KHDRBS3: variants seen among roughly 807,000 people sequenced by gnomAD.
KHDRBS3 encodes the protein KH RNA binding domain containing, signal transduction associated 3.
Under a neutral mutation model 45.6 loss-of-function variants are expected in KHDRBS3, and 23 were observed. That is an observed-to-expected ratio of 0.50 (90% CI 0.36 to 0.72). The LOEUF (loss-of-function observed/expected upper bound fraction) is 0.72. Among genes scored for constraint, KHDRBS3 ranks in the 30% least tolerant of loss-of-function variants. The probability of loss-of-function intolerance (pLI) is 0.00; values close to 1 mark genes in which losing one functional copy is unlikely to be tolerated. For synonymous variants in KHDRBS3, 162 were observed against 156.5 expected (o/e 1.04, Z -0.26); for missense variants, 352 against 424.8 (o/e 0.83, Z 1.51).
intron 5 of KHDRBS3, among the ~76,000 whole-genome samples, chr8:135,569,319 A>G (rs1469944329): frequency 6.6e-6 from 1 of 152,208 alleles, no homozygotes; most frequent in Non-Finnish European, 1.5e-5. Flanking sequence ...TGAGATAGAG[A>G]AATGCACATT....
chr8:135,567,660 A>G (rs1465938332), intron 5 of KHDRBS3, among the ~76,000 whole-genome samples: 1 of 152,194 alleles, frequency 6.6e-6, no homozygotes, highest in Non-Finnish European at 1.5e-5. Flanking sequence ...CTGAAATAGT[A>G]AGTGGAGATC....
At chr8:135,578,085 G>T (rs1027653572) in intron 5 of KHDRBS3, among the ~76,000 whole-genome samples, 1 of 152,044 alleles carries the variant, frequency 6.6e-6, no homozygotes, top group Non-Finnish European at 1.5e-5. Context: ...TGGGTCATTT[G>T]CTTTCTTATT....
chr8:135,529,236 C>T (rs1825345013), intron 2 of KHDRBS3, among the ~76,000 whole-genome samples: 1 of 152,116 alleles, frequency 6.6e-6, no homozygotes. Flanking sequence ...AAGAAGAGAA[C>T]CGGTAAGCGG....
intron 1 of KHDRBS3, among the ~76,000 whole-genome samples, chr8:135,489,796 TTAA>T (rs1438805914): frequency 6.6e-6 from 1 of 152,196 alleles, no homozygotes; most frequent in South Asian, 2.1e-4. Context: ...AAAATATTTC[TTAA>T]TAATTCAGTG....
At chr8:135,474,599 T>C (rs1245140701) in intron 1 of KHDRBS3, among the ~76,000 whole-genome samples, 2 of 152,252 alleles carry the variant, frequency 1.3e-5, no homozygotes, top group Non-Finnish European at 2.9e-5. Flanking sequence ...GTTAAGAAGA[T>C]CACTCAATTT....
chr8:135,519,658 C>T (rs1392421310), intron 1 of KHDRBS3, among the ~76,000 whole-genome samples: 2 of 152,230 alleles, frequency 1.3e-5, no homozygotes, highest in Admixed American at 1.3e-4. Context: ...TGCATCCTAA[C>T]TGATATACTG....
chr8:135,530,135 T>C (rs577226666), intron 2 of KHDRBS3, among the ~76,000 whole-genome samples: 1 of 152,314 alleles, frequency 6.6e-6, no homozygotes, highest in African/African-American at 2.4e-5. Context: ...CTGCTTACTT[T>C]GAGGGTACAT....
At chr8:135,584,468 C>T (rs990422301) in intron 6 of KHDRBS3, among the ~76,000 whole-genome samples, 1 of 152,186 alleles carries the variant, frequency 6.6e-6, no homozygotes, top group Non-Finnish European at 1.5e-5. Context: ...AGATTACAAA[C>T]GTTATAGCTT....
intron 1 of KHDRBS3, among the ~76,000 whole-genome samples, chr8:135,470,551 TC>T (rs754150321): frequency 1.2e-4 from 18 of 151,408 alleles, no homozygotes; most frequent in Non-Finnish European, 2.5e-4. Context: ...CATCCCTTTT[TC>T]CCCCTTGGTC....
At chr8:135,583,490 C>G (rs1165315771) in intron 6 of KHDRBS3, among the ~76,000 whole-genome samples, 1 of 152,000 alleles carries the variant, frequency 6.6e-6, no homozygotes, top group African/African-American at 2.4e-5. Flanking sequence ...TTAGGTAGGC[C>G]CAGTGTCTGT....
At position 135,458,075 on chromosome 8, in the gene KHDRBS3, G is replaced by C; in HGVS notation, c.88+121G>C. ...CGGACGCGGCGGAGACGGAGGCCCG[G>C]GTGGCCCCCGGGGTCGTTTGCACGG... On this transcript the variant is annotated intron_variant, in intron 1 of 8. Coordinates refer to ENST00000355849, the MANE Select transcript of KHDRBS3 (RefSeq NM_006558.3). 2.2e-6 allele frequency: 3 copies of C among 1,393,366 alleles called. No individual in the cohort carries two copies. The South Asian group carries it at 4.7e-5, about 22-fold the overall frequency. The allele number at this position is 1,393,366 out of a possible 1,614,324, so 86.3% of individuals were successfully genotyped here.
chr8:135,495,201 C>A (rs1823372734), intron 1 of KHDRBS3, among the ~76,000 whole-genome samples: 1 of 152,204 alleles, frequency 6.6e-6, no homozygotes, highest in Non-Finnish European at 1.5e-5. Context: ...GCTGCCACTT[C>A]TGTGTTCTGC....
chr8:135,585,331 AAC>A (rs1385741755), intron 6 of KHDRBS3, among the ~76,000 whole-genome samples: 1 of 152,086 alleles, frequency 6.6e-6, no homozygotes, highest in Non-Finnish European at 1.5e-5. Flanking sequence ...AGGAGCTTGT[AAC>A]ACAAATAAAT....
chr8:135,565,140 T>C (rs1358117998), intron 5 of KHDRBS3, among the ~76,000 whole-genome samples: 2 of 152,152 alleles, frequency 1.3e-5, no homozygotes, highest in Non-Finnish European at 2.9e-5. Context: ...GGACTCATTG[T>C]TCGTGATTCC....
intron 1 of KHDRBS3, among the ~76,000 whole-genome samples, chr8:135,496,647 CT>C (rs1823464760): frequency 6.6e-6 from 1 of 152,004 alleles, no homozygotes; most frequent in African/African-American, 2.4e-5. Context: ...TTGGCAGTTT[CT>C]TAACTTAAAT....
At chr8:135,631,601 G>A (rs1191809606) in intron 7 of KHDRBS3, among the ~76,000 whole-genome samples, 2 of 152,082 alleles carry the variant, frequency 1.3e-5, no homozygotes, top group Non-Finnish European at 2.9e-5. Flanking sequence ...GCATGAAGCT[G>A]TCATCTCCTA....
chr8:135,593,701 C>T (rs865843646), intron 6 of KHDRBS3, among the ~76,000 whole-genome samples: 4 of 152,268 alleles, frequency 2.6e-5, no homozygotes, highest in South Asian at 2.1e-4. Context: ...TGGTCTCAGA[C>T]TCCTGGCCTC....
chr8:135,610,503 C>T (rs1313356903), intron 7 of KHDRBS3, among the ~76,000 whole-genome samples: 1 of 150,674 alleles, frequency 6.6e-6, no homozygotes, highest in Non-Finnish European at 1.5e-5. Flanking sequence ...ATGCTTGATG[C>T]TTGGAATACA....
At chr8:135,516,211 G>A (rs1824591021) in intron 1 of KHDRBS3, among the ~76,000 whole-genome samples, 1 of 152,220 alleles carries the variant, frequency 6.6e-6, no homozygotes, top group South Asian at 2.1e-4. Context: ...GACAAAACAT[G>A]GAATACTTGC....
Sources: gnomAD v4.1 joint callset for allele counts (sites outside exome capture counted in the v4.1 genomes callset) on GRCh38, gnomAD v4.1.1 for gene constraint, MANE v1.5 for transcripts, NCBI Gene and HGNC (gene_info 2026-07-23, HGNC 2026-07-21) for gene names.